Variants in HTR1F observed in about 807,000 individuals in gnomAD.
HTR1F encodes the protein 5-hydroxytryptamine (serotonin) receptor 1F, G protein-coupled.
In HTR1F, 17 loss-of-function variants were observed where a neutral mutation model predicts 24.0. The observed-to-expected ratio is 0.71, with a 90% CI of 0.48 to 1.06. HTR1F has a LOEUF of 1.06. Among genes scored for constraint, HTR1F ranks in the 50% least tolerant of loss-of-function variants. The pLI, the probability that HTR1F is intolerant of heterozygous loss-of-function variation, is 0.00. For missense variants in HTR1F, 391 were observed against 427.8 expected, an observed-to-expected ratio of 0.91 and a Z score of 0.76; for synonymous variants, 186 against 156.8, an observed-to-expected ratio of 1.19 and a Z score of -1.39.
At chr3:87,852,923 T>C (rs1360287469) in intron 2 of HTR1F, among the ~76,000 whole-genome samples, 1 of 151,444 alleles carries the variant, frequency 6.6e-6, no homozygotes, top group African/African-American at 2.4e-5. Context: ...TAAAGTTTTA[T>C]AGTTTTCTAT....
chr3:87,872,324 A>G (rs1169039978), intron 2 of HTR1F, among the ~76,000 whole-genome samples: 1 of 152,124 alleles, frequency 6.6e-6, no homozygotes, highest in Non-Finnish European at 1.5e-5. Context: ...CAAATCAACA[A>G]CCTGACTTAT....
At chr3:87,820,216 GCC>G (rs1232568247) in intron 1 of HTR1F, among the ~76,000 whole-genome samples, 2 of 133,670 alleles carry the variant, frequency 1.5e-5, no homozygotes, top group African/African-American at 5.8e-5. Flanking sequence ...TCGCTCTGTC[GCC>G]CAGGCTGGAG....
At chr3:87,869,029 T>C (rs1705486936) in intron 2 of HTR1F, among the ~76,000 whole-genome samples, 7 of 152,058 alleles carry the variant, frequency 4.6e-5, no homozygotes, top group Admixed American at 4.6e-4. Context: ...CTATTATACA[T>C]GTGCCGTTCA....
intron 2 of HTR1F, among the ~76,000 whole-genome samples, chr3:87,980,453 A>AAGTCC (rs1236336725): frequency 6.6e-6 from 1 of 152,118 alleles, no homozygotes; most frequent in African/African-American, 2.4e-5. Flanking sequence ...TGGGCTTCAG[A>AAGTCC]AGGGAGGAAG....
At chr3:87,879,470 C>T (rs72913715) in intron 2 of HTR1F, among the ~76,000 whole-genome samples, 18,122 of 152,064 alleles carry the variant, frequency 0.12, 1,363 homozygotes, top group African/African-American at 0.21. Context: ...ATTGCAATGC[C>T]AACCTGGCAG....
intron 2 of HTR1F, among the ~76,000 whole-genome samples, chr3:87,864,194 A>G (rs1705375119): frequency 6.6e-6 from 1 of 151,760 alleles, no homozygotes; most frequent in Non-Finnish European, 1.5e-5. Context: ...CCTTAATTCC[A>G]TTTTTTCATG....
At chr3:87,847,753 T>C (rs762863788) in intron 2 of HTR1F, among the ~76,000 whole-genome samples, 3 of 151,790 alleles carry the variant, frequency 2.0e-5, no homozygotes, top group Non-Finnish European at 4.4e-5. Context: ...ATCCATAAGA[T>C]CAAGATTTTT....
At chr3:87,811,290 A>T (rs1000986826) in intron 1 of HTR1F, among the ~76,000 whole-genome samples, 16 of 149,298 alleles carry the variant, frequency 1.1e-4, no homozygotes, top group Non-Finnish European at 2.4e-4. Flanking sequence ...AAAAAAAAAA[A>T]GCCTTCCTAC....
At chr3:87,815,989 T>G (rs1021336) in intron 1 of HTR1F, among the ~76,000 whole-genome samples, 1,814 of 152,206 alleles carry the variant, frequency 0.012, 30 homozygotes, top group African/African-American at 0.041. Context: ...TCTCATGAAA[T>G]GCACTAGTTT....
At chr3:87,871,129 G>A (rs1265965508) in intron 2 of HTR1F, among the ~76,000 whole-genome samples, 1 of 151,832 alleles carries the variant, frequency 6.6e-6, no homozygotes, top group Non-Finnish European at 1.5e-5. Flanking sequence ...AACTCAGCAA[G>A]CTACAAGTAA....
intron 1 of HTR1F, among the ~76,000 whole-genome samples, chr3:87,803,450 A>G (rs897304708): frequency 3.9e-5 from 6 of 152,114 alleles, no homozygotes; most frequent in Non-Finnish European, 5.9e-5. Flanking sequence ...AGGGGGGAAA[A>G]TCTATCCAGA....
At position 87,991,636 on chromosome 3, in the gene HTR1F, G is replaced by C; in HGVS notation, c.887G>C (p.Gly296Ala). 8.1e-6 allele frequency: 13 copies of C among 1,613,530 alleles called. No individual in the cohort carries two copies. The highest frequency in any genetic ancestry group is 1.1e-5 in the Non-Finnish European group (13 of 1,179,670). Residue 296 changes from glycine to alanine, a missense_variant, in exon 3 of 3, where the codon GGA becomes GCA. Gly to Ala is a moderately conservative substitution (Grantham distance 60, BLOSUM62 0). Coordinates refer to ENST00000319595, the MANE Select transcript of HTR1F (RefSeq NM_001322209.2). ...GAACGGAAAGCAGCCACTACCCTGGGATTAATCTTGGGTGCATTTGTAATA... is the reference window on the plus strand; with the variant it reads ...GAACGGAAAGCAGCCACTACCCTGGCATTAATCTTGGGTGCATTTGTAATA... ...TRERKAATTLGLILGAFVICW... is the reference protein window; with the variant it reads ...TRERKAATTLALILGAFVICW...
At chr3:87,808,529 T>C (rs1252690454) in intron 1 of HTR1F, among the ~76,000 whole-genome samples, 1 of 151,756 alleles carries the variant, frequency 6.6e-6, no homozygotes, top group African/African-American at 2.4e-5. Context: ...ATCCATCAAG[T>C]GATTTATTTA....
At chr3:87,862,321 T>C (rs1705335190) in intron 2 of HTR1F, among the ~76,000 whole-genome samples, 1 of 152,202 alleles carries the variant, frequency 6.6e-6, no homozygotes, top group South Asian at 2.1e-4. Flanking sequence ...GTAAACTTCA[T>C]TTGTTTTTAA....
At chr3:87,903,735 G>C (rs1417993807) in intron 2 of HTR1F, among the ~76,000 whole-genome samples, 1 of 152,098 alleles carries the variant, frequency 6.6e-6, no homozygotes, top group Non-Finnish European at 1.5e-5. Context: ...CAGGGATCTA[G>C]AACTAGAAAT....
chr3:87,867,025 G>A (rs1705445176), intron 2 of HTR1F, among the ~76,000 whole-genome samples: 1 of 151,784 alleles, frequency 6.6e-6, no homozygotes, highest in South Asian at 2.1e-4. Flanking sequence ...GCAATATGAT[G>A]GTTGCAGAAA....
At chr3:87,824,055 A>G (rs1360369920) in intron 2 of HTR1F, among the ~76,000 whole-genome samples, 1 of 151,994 alleles carries the variant, frequency 6.6e-6, no homozygotes, top group Non-Finnish European at 1.5e-5. Flanking sequence ...AAAAAAAAAA[A>G]AAAGCTAACA....
chr3:87,922,680 A>T (rs1237041237), intron 2 of HTR1F, among the ~76,000 whole-genome samples: 1 of 151,994 alleles, frequency 6.6e-6, no homozygotes, highest in Admixed American at 6.6e-5. Flanking sequence ...TCTTCAATGC[A>T]TTTTGAGTTA....
At chr3:87,929,791 T>G (rs1704217156) in intron 2 of HTR1F, among the ~76,000 whole-genome samples, 2 of 152,320 alleles carry the variant, frequency 1.3e-5, no homozygotes, top group Admixed American at 6.5e-5. Flanking sequence ...GGGCTCTTTT[T>G]GGGCTCCATA....
Sources: gnomAD v4.1 joint callset for allele counts (sites outside exome capture counted in the v4.1 genomes callset) on GRCh38, gnomAD v4.1.1 for gene constraint, MANE v1.5 for transcripts, NCBI Gene and HGNC (gene_info 2026-07-23, HGNC 2026-07-21) for gene names.